ARHGEF4: variants seen among roughly 807,000 people sequenced by gnomAD.
The protein encoded by ARHGEF4 is APC-stimulated guanine nucleotide exchange factor 1.
ARHGEF4 carries 119 observed loss-of-function variants against 162.0 expected under a neutral mutation model. The observed-to-expected ratio is 0.73, with a 90% CI of 0.63 to 0.86. The LOEUF (loss-of-function observed/expected upper bound fraction) is 0.86. Among genes scored for constraint, ARHGEF4 ranks in the 40% least tolerant of loss-of-function variants. ARHGEF4 has a pLI of 0.00. For synonymous variants in ARHGEF4, 1,014 were observed against 979.9 expected (o/e 1.03, Z -0.65); for missense variants, 2,488 against 2,456.0 (o/e 1.01, Z -0.28).
Position 130,916,434 on chromosome 2 carries a change from G to T in ARHGEF4, c.2488G>T (p.Glu830Ter), listed in dbSNP as rs1023452471. ...TCGCCGCTGGGGCTCTTCAGGCCCCGAGGGGCTCCCCAGGGAGAATCCGCC... is the reference window on the plus strand; with the variant it reads ...TCGCCGCTGGGGCTCTTCAGGCCCCTAGGGGCTCCCCAGGGAGAATCCGCC... ...EGRRWGSSGP[E>*]GLPRENPPAA... The change falls in exon 2 of 14, where the codon GAG becomes TAG. Residue 830 changes from glutamate to a stop codon, truncating the protein, a stop_gained. Coordinates refer to ENST00000409359, the MANE Select transcript of ARHGEF4 (RefSeq NM_001367493.1). LOFTEE classifies it high-confidence loss of function. 2.6e-6 allele frequency: 4 copies of T among 1,538,424 alleles called. No homozygotes were observed. The highest frequency in any genetic ancestry group is 1.4e-5 in the African/African-American group (1 of 72,944).
At chr2:131,039,642 C>G in intron 6 of ARHGEF4, 1 of 1,147,840 alleles carries the variant, frequency 8.7e-7, no homozygotes, top group Non-Finnish European at 1.1e-6. Context: ...AAGCCTTTCC[C>G]CAAGTTGCAT....
At chr2:130,877,391 C>A (rs1421511925) in intron 1 of ARHGEF4, among the ~76,000 whole-genome samples, 1 of 152,166 alleles carries the variant, frequency 6.6e-6, no homozygotes, top group Non-Finnish European at 1.5e-5. Flanking sequence ...ACATGCATTG[C>A]TTCACATAGT....
At chr2:130,854,632 C>T (rs1030159010) in intron 1 of ARHGEF4, among the ~76,000 whole-genome samples, 2 of 152,180 alleles carry the variant, frequency 1.3e-5, no homozygotes, top group African/African-American at 4.8e-5. Context: ...CAGGCTGGCC[C>T]CAGTGCCCCC....
At chr2:130,997,327 T>C (rs1230124930) in intron 4 of ARHGEF4, among the ~76,000 whole-genome samples, 1 of 152,242 alleles carries the variant, frequency 6.6e-6, no homozygotes, top group East Asian at 1.9e-4. Flanking sequence ...AGCATCTATC[T>C]GAACTCTCTT....
At chr2:131,005,784 G>C (rs1047027354) in intron 4 of ARHGEF4, among the ~76,000 whole-genome samples, 2 of 152,178 alleles carry the variant, frequency 1.3e-5, no homozygotes, top group African/African-American at 4.8e-5. Flanking sequence ...GTGCTGGGCA[G>C]CTTCCCGGCA....
intron 1 of ARHGEF4, among the ~76,000 whole-genome samples, chr2:130,899,201 C>G (rs1680342646): frequency 6.6e-6 from 1 of 152,180 alleles, no homozygotes; most frequent in Admixed American, 6.5e-5. Context: ...TTGCAGTTTT[C>G]TTTGCTTCAT....
At chr2:130,933,788 G>A (rs534549013) in intron 3 of ARHGEF4, among the ~76,000 whole-genome samples, 95 of 152,232 alleles carry the variant, frequency 6.2e-4, no homozygotes, top group African/African-American at 2.0e-3. Flanking sequence ...ATCCTGAAAC[G>A]TTGCTGAATT....
chr2:130,911,776 C>T (rs1447525537), intron 1 of ARHGEF4, among the ~76,000 whole-genome samples: 1 of 152,214 alleles, frequency 6.6e-6, no homozygotes, highest in Non-Finnish European at 1.5e-5. Context: ...ACCCCTCCCC[C>T]CAGCAAGACG....
chr2:130,949,994 G>A (rs1383536654), intron 4 of ARHGEF4, among the ~76,000 whole-genome samples: 5 of 152,296 alleles, frequency 3.3e-5, no homozygotes, highest in South Asian at 4.1e-4. Flanking sequence ...TTATTTGCTC[G>A]TCTGTGAGGA....
At chr2:130,959,530 T>G (rs1312190829) in intron 4 of ARHGEF4, among the ~76,000 whole-genome samples, 1 of 152,228 alleles carries the variant, frequency 6.6e-6, no homozygotes, top group African/African-American at 2.4e-5. Context: ...AGCTATCAGA[T>G]AAAGTTGTAG....
At chr2:131,014,222 G>C (rs924724541) in intron 4 of ARHGEF4, among the ~76,000 whole-genome samples, 7 of 152,146 alleles carry the variant, frequency 4.6e-5, no homozygotes, top group Non-Finnish European at 1.0e-4. Context: ...AAATGAAAAT[G>C]ATTACCTGAA....
intron 4 of ARHGEF4, chr2:130,963,641 C>T (rs1267000868): frequency 6.8e-6 from 1 of 147,132 alleles, no homozygotes; most frequent in East Asian, 2.0e-4. Flanking sequence ...CCGCCGCAGC[C>T]GCTCCAGGCC....
At chr2:131,032,481 T>C (rs1450663099) in intron 5 of ARHGEF4, among the ~76,000 whole-genome samples, 1 of 151,990 alleles carries the variant, frequency 6.6e-6, no homozygotes, top group African/African-American at 2.4e-5. Context: ...CTGTCAGTGC[T>C]GCAGATACCT....
chr2:131,019,929 T>C (rs11892681), intron 4 of ARHGEF4, among the ~76,000 whole-genome samples: 151,414 of 152,346 alleles, frequency 0.99, 75,247 homozygotes, highest in Middle Eastern at 1. Context: ...CCACCATGCC[T>C]GGCCAGTATT....
rs530432572 is a variant in ARHGEF4, at chr2:131,047,230, C to CATAA, written c.*1048_*1051dup. ...CCAAGCCAGAAACCACATTTAATTT[C>CATAA]ATAAATAAATTTATGAAAAGTAACC... On this transcript the variant is annotated 3_prime_UTR_variant, in exon 14 of 14. Transcript: ENST00000409359. 1.3e-5 allele frequency: 2 copies of CATAA among 152,220 alleles called. No homozygotes were observed. Among genetic ancestry groups the CATAA allele is most frequent in the African/African-American group, 2.4e-5 (1 of 41,446 alleles). 9.4% of individuals were successfully genotyped at this position (152,220 alleles called of 1,614,324 possible).
chr2:131,035,228 A>G (rs1452555302), intron 5 of ARHGEF4: 1 of 1,224,608 alleles, frequency 8.2e-7, no homozygotes, highest in Non-Finnish European at 1.0e-6. Flanking sequence ...GTTCTCATCA[A>G]CGTCGTACTG....
At chr2:130,905,169 A>C (rs1401177183) in intron 1 of ARHGEF4, among the ~76,000 whole-genome samples, 2 of 152,224 alleles carry the variant, frequency 1.3e-5, no homozygotes, top group African/African-American at 4.8e-5. Context: ...TATAGAATAC[A>C]CAAAATTATC....
At chr2:130,859,046 G>C (rs562519122) in intron 1 of ARHGEF4, among the ~76,000 whole-genome samples, 1 of 4,176 alleles carries the variant, frequency 2.4e-4, no homozygotes, top group East Asian at 6.4e-3. Flanking sequence ...TGCATCTTGG[G>C]TTAGGCAATG....
At chr2:130,997,060 G>A (rs1028220763) in intron 4 of ARHGEF4, among the ~76,000 whole-genome samples, 4 of 152,142 alleles carry the variant, frequency 2.6e-5, no homozygotes, top group East Asian at 1.9e-4. Flanking sequence ...AATCACTATT[G>A]CTGGTTTATG....
Sources: gnomAD v4.1 joint callset for allele counts (sites outside exome capture counted in the v4.1 genomes callset) on GRCh38, gnomAD v4.1.1 for gene constraint, MANE v1.5 for transcripts, NCBI Gene and HGNC (gene_info 2026-07-23, HGNC 2026-07-21) for gene names.